ROBO1: variants seen among roughly 807,000 people sequenced by gnomAD.
ROBO1 encodes the protein roundabout guidance receptor 1.
A neutral mutation model predicts 195.9 loss-of-function variants in ROBO1; 149 were observed. That is an observed-to-expected ratio of 0.76 (90% CI 0.67 to 0.87). The LOEUF is 0.87. ROBO1 is among the 40% of genes least tolerant of loss of function. ROBO1 has a pLI of 0.00. For synonymous variants in ROBO1, 816 were observed against 733.2 expected, an observed-to-expected ratio of 1.11 and a Z score of -1.82; for missense variants, 1,933 against 2,068.3, an observed-to-expected ratio of 0.93 and a Z score of 1.27.
chr3:79,598,385 C>A (rs568372014), intron 1 of ROBO1, among the ~76,000 whole-genome samples: 1 of 151,960 alleles, frequency 6.6e-6, no homozygotes, highest in Non-Finnish European at 1.5e-5. Context: ...ATAGAGCTAA[C>A]GTTCTGCTAT....
At chr3:79,052,602 G>A (rs2078722687) in intron 3 of ROBO1, among the ~76,000 whole-genome samples, 1 of 152,116 alleles carries the variant, frequency 6.6e-6, no homozygotes, top group African/African-American at 2.4e-5. Context: ...CACAGAACCT[G>A]CCGACATGTG....
chr3:79,274,728 T>C (rs1380076648), intron 2 of ROBO1, among the ~76,000 whole-genome samples: 2 of 151,696 alleles, frequency 1.3e-5, no homozygotes. Flanking sequence ...AATAAAATTG[T>C]AAAAACCATT....
At chr3:78,668,803 C>T (rs1343582111) in intron 11 of ROBO1, among the ~76,000 whole-genome samples, 2 of 152,016 alleles carry the variant, frequency 1.3e-5, no homozygotes, top group Non-Finnish European at 2.9e-5. Context: ...TATTTAATTG[C>T]ATTAGCATAT....
chr3:79,015,208 C>T (rs780793672), intron 3 of ROBO1, among the ~76,000 whole-genome samples: 4 of 151,820 alleles, frequency 2.6e-5, no homozygotes, highest in Non-Finnish European at 5.9e-5. Context: ...CATTTAAAAG[C>T]CAGAAAGGTT....
At chr3:78,743,889 C>T (rs375603079) in intron 5 of ROBO1, among the ~76,000 whole-genome samples, 4 of 151,972 alleles carry the variant, frequency 2.6e-5, no homozygotes, top group Non-Finnish European at 1.5e-5. Context: ...ACAGGTCTGC[C>T]GGACAGCAAA....
Position 78,829,774 on chromosome 3 carries a change from T to C in ROBO1, c.500-82874A>G, listed in dbSNP as rs1576248155. Among the ~76,000 whole-genome samples the C allele has an allele frequency of 2.6e-5, 4 of 152,282 alleles. No homozygotes were observed. The East Asian group carries it at 7.7e-4, about 29-fold the overall frequency. On this transcript the variant is annotated intron_variant, in intron 4 of 30. Coordinates refer to ENST00000464233, the MANE Select transcript of ROBO1 (RefSeq NM_002941.4). ...TCTAATTCTCCCTTACAAAGAGAAA[T>C]ACTGGTTAGAAGTTGGTTGTGTGAC...
At chr3:79,096,264 T>G (rs752457270) in intron 3 of ROBO1, among the ~76,000 whole-genome samples, 18 of 152,112 alleles carry the variant, frequency 1.2e-4, no homozygotes, top group South Asian at 2.1e-4. Flanking sequence ...GTGCATCTGC[T>G]TCTGATTTAT....
At chr3:79,680,183 A>G (rs1396748067) in intron 1 of ROBO1, among the ~76,000 whole-genome samples, 1 of 151,932 alleles carries the variant, frequency 6.6e-6, no homozygotes, top group East Asian at 1.9e-4. Context: ...CTCCACTGTC[A>G]TTGTCTAGAA....
intron 2 of ROBO1, among the ~76,000 whole-genome samples, chr3:79,420,385 T>C (rs1415964854): frequency 1.3e-5 from 2 of 152,190 alleles, no homozygotes; most frequent in African/African-American, 2.4e-5. Flanking sequence ...GAATACAAAG[T>C]CTTCCATATC....
intron 1 of ROBO1, among the ~76,000 whole-genome samples, chr3:79,607,784 A>T (rs547490077): frequency 5.3e-5 from 8 of 152,072 alleles, no homozygotes; most frequent in African/African-American, 1.4e-4. Context: ...TTCCTCTCTC[A>T]TGCTGTCTGT....
In ROBO1 at chr3:79,009,534, C is replaced by G. The variant is rs115696965; in HGVS notation, c.173-70607G>C. 3.9e-3 allele frequency among the ~76,000 whole-genome samples: 598 copies of G among 152,268 alleles called. 4 individuals carry two copies. The highest frequency in any genetic ancestry group is 0.014 in the African/African-American group (584 of 41,554). ...TATACAACAGCCATAGTCAGAAACA[C>G]ATACTTAAAACAGTAAGAAAAGCAA... On this transcript the variant is annotated intron_variant, in intron 3 of 30. Transcript: ENST00000464233.
chr3:78,669,244 A>G (rs188147181), intron 11 of ROBO1, among the ~76,000 whole-genome samples: 1 of 152,344 alleles, frequency 6.6e-6, no homozygotes, highest in Non-Finnish European at 1.5e-5. Context: ...GCTAATAACT[A>G]TCTTCAAGTA....
At chr3:79,721,850 C>T (rs956120609) in intron 1 of ROBO1, among the ~76,000 whole-genome samples, 7 of 151,984 alleles carry the variant, frequency 4.6e-5, no homozygotes, top group Non-Finnish European at 1.0e-4. Flanking sequence ...TCATTGAATT[C>T]CCATTGTTTA....
intron 3 of ROBO1, among the ~76,000 whole-genome samples, chr3:78,944,684 G>A (rs1009622275): frequency 3.9e-5 from 6 of 152,336 alleles, no homozygotes; most frequent in South Asian, 2.1e-4. Flanking sequence ...TGGGTGCAGC[G>A]CACCGTGTGC....
At chr3:79,537,858 C>T (rs1941930182) in intron 2 of ROBO1, among the ~76,000 whole-genome samples, 1 of 151,820 alleles carries the variant, frequency 6.6e-6, no homozygotes. Context: ...ATGTAACAAA[C>T]CTACATGTTC....
intron 4 of ROBO1, among the ~76,000 whole-genome samples, chr3:78,922,605 CTTTT>C (rs565147879): frequency 1.2e-4 from 15 of 123,156 alleles, no homozygotes; most frequent in African/African-American, 4.4e-4. Flanking sequence ...TCTTCTTCTT[CTTTT>C]TTTTTTTTTT....
intron 3 of ROBO1, among the ~76,000 whole-genome samples, chr3:79,093,887 G>C (rs1254315013): frequency 6.6e-6 from 1 of 151,996 alleles, no homozygotes; most frequent in Admixed American, 6.6e-5. Context: ...AGAGAAACAG[G>C]GGGAGAGCTA....
At chr3:79,260,906 G>A (rs759362474) in intron 2 of ROBO1, among the ~76,000 whole-genome samples, 11 of 151,986 alleles carry the variant, frequency 7.2e-5, no homozygotes, top group Admixed American at 3.3e-4. Context: ...AAAATTAAAA[G>A]TGAACTCTGC....
intron 2 of ROBO1, among the ~76,000 whole-genome samples, chr3:79,242,261 A>C (rs1461465064): frequency 6.6e-6 from 1 of 151,160 alleles, no homozygotes; most frequent in Non-Finnish European, 1.5e-5. Context: ...TTATGCTCAG[A>C]TTGTGATATG....
Sources: allele counts gnomAD v4.1 joint callset (sites outside exome capture counted in the v4.1 genomes callset), GRCh38; gene constraint gnomAD v4.1.1; transcripts MANE v1.5; gene names NCBI Gene and HGNC (gene_info 2026-07-23, HGNC 2026-07-21).